THSD7A: variants seen among roughly 807,000 people sequenced by gnomAD.
THSD7A encodes thrombospondin type-1 domain-containing protein 7A.
In THSD7A, 96 loss-of-function variants were observed where a neutral mutation model predicts 231.3. That is an observed-to-expected ratio of 0.41 (90% CI 0.35 to 0.49). THSD7A has a LOEUF of 0.49. Ranked by LOEUF, THSD7A falls within the 20% of genes least tolerant of loss-of-function variation. THSD7A has a pLI of 0.05. For synonymous variants in THSD7A, 940 were observed against 743.3 expected, an observed-to-expected ratio of 1.26 and a Z score of -4.30; for missense variants, 2,290 against 2,070.2, an observed-to-expected ratio of 1.11 and a Z score of -2.06.
intron 1 of THSD7A, among the ~76,000 whole-genome samples, chr7:11,747,829 G>A (rs532242982): frequency 1.3e-5 from 2 of 151,866 alleles, no homozygotes; most frequent in Non-Finnish European, 2.9e-5. Context: ...TACATTTACC[G>A]AAAGGACAAT....
chr7:11,490,515 GCTC>G (rs1307843363), intron 6 of THSD7A, among the ~76,000 whole-genome samples: 1 of 152,054 alleles, frequency 6.6e-6, no homozygotes, highest in African/African-American at 2.4e-5. Context: ...CATGACTTCT[GCTC>G]CTGTTTAATG....
chr7:11,737,472 G>A (rs191319480), intron 1 of THSD7A, among the ~76,000 whole-genome samples: 243 of 152,040 alleles, frequency 1.6e-3, no homozygotes, highest in Non-Finnish European at 2.1e-3. Context: ...CCTGTGCCCC[G>A]TCCTAGAACT....
At chr7:11,712,641 T>C (rs2128149319) in intron 1 of THSD7A, among the ~76,000 whole-genome samples, 1 of 151,242 alleles carries the variant, frequency 6.6e-6, no homozygotes, top group South Asian at 2.1e-4. Context: ...ATGAACTTGA[T>C]GTAAGCAGAA....
At chr7:11,575,893 GTA>G (rs1402011029) in intron 4 of THSD7A, among the ~76,000 whole-genome samples, 2 of 152,170 alleles carry the variant, frequency 1.3e-5, no homozygotes, top group African/African-American at 4.8e-5. Flanking sequence ...TTAATAAGTT[GTA>G]ATTCAACACA....
Position 11,541,407 on chromosome 7 carries a change from C to G in THSD7A, c.1822+12G>C. 6.2e-7 allele frequency: 1 copy of G among 1,613,040 alleles called. No homozygotes were observed. On this transcript the variant is annotated intron_variant, in intron 6 of 27. Coordinates refer to ENST00000423059, the MANE Select transcript of THSD7A (RefSeq NM_015204.3). ...GACATCCATAAAAACATAATAGATA[C>G]GTCTGTCTTACCATCACTGTTGATG...
chr7:11,563,916 G>C (rs934353768), intron 4 of THSD7A, among the ~76,000 whole-genome samples: 1 of 152,080 alleles, frequency 6.6e-6, no homozygotes, highest in Non-Finnish European at 1.5e-5. Flanking sequence ...GAATTGTGGT[G>C]AGGTCACAAA....
At chr7:11,519,810 A>G (rs10486140) in intron 6 of THSD7A, among the ~76,000 whole-genome samples, 2,900 of 152,316 alleles carry the variant, frequency 0.019, 52 homozygotes, top group Middle Eastern at 0.041. Context: ...TTTCAAGTAA[A>G]TCTAGTCTAT....
chr7:11,815,921 C>T (rs1002680339), intron 1 of THSD7A, among the ~76,000 whole-genome samples: 4 of 152,046 alleles, frequency 2.6e-5, no homozygotes, highest in Non-Finnish European at 4.4e-5. Context: ...CTTTCTATCC[C>T]TGGAAACATG....
intron 1 of THSD7A, among the ~76,000 whole-genome samples, chr7:11,701,990 G>A (rs977074577): frequency 3.3e-5 from 5 of 151,158 alleles, no homozygotes; most frequent in Non-Finnish European, 7.4e-5. Flanking sequence ...CTTGTTGCCA[G>A]GCCTCAACTC....
intron 6 of THSD7A, among the ~76,000 whole-genome samples, chr7:11,492,235 A>C (rs1373936782): frequency 6.6e-6 from 1 of 152,042 alleles, no homozygotes; most frequent in Admixed American, 6.6e-5. Context: ...ATCAACTCTT[A>C]AGGACTAGGC....
intron 1 of THSD7A, among the ~76,000 whole-genome samples, chr7:11,679,607 A>G (rs552437874): frequency 1.6e-4 from 24 of 152,268 alleles, no homozygotes; most frequent in African/African-American, 5.8e-4. Context: ...TGCTACAAAG[A>G]GAATAAAATA....
chr7:11,815,767 C>T (rs932329763), intron 1 of THSD7A, among the ~76,000 whole-genome samples: 5 of 152,074 alleles, frequency 3.3e-5, no homozygotes, highest in Non-Finnish European at 7.4e-5. Context: ...GACTTGATCT[C>T]CTAGATTCTA....
At chr7:11,470,831 G>A (rs1785909224) in intron 8 of THSD7A, among the ~76,000 whole-genome samples, 1 of 151,576 alleles carries the variant, frequency 6.6e-6, no homozygotes, top group Non-Finnish European at 1.5e-5. Flanking sequence ...ATTATTTATT[G>A]GGAACACAAC....
At chr7:11,525,778 A>G (rs17634217) in intron 6 of THSD7A, among the ~76,000 whole-genome samples, 26,985 of 152,100 alleles carry the variant, frequency 0.18, 2,624 homozygotes, top group Middle Eastern at 0.23. Context: ...GATTATACTC[A>G]TTTGGAACAG....
At chr7:11,772,893 TAA>T (rs1023500276) in intron 1 of THSD7A, among the ~76,000 whole-genome samples, 12 of 152,144 alleles carry the variant, frequency 7.9e-5, no homozygotes, top group African/African-American at 2.7e-4. Context: ...TTCATTTTGA[TAA>T]ATAAAATCCA....
At chr7:11,826,774 T>C (rs2128188562) in intron 1 of THSD7A, among the ~76,000 whole-genome samples, 1 of 146,148 alleles carries the variant, frequency 6.8e-6, no homozygotes, top group African/African-American at 2.6e-5. Context: ...ATCATGCCAC[T>C]GTACTCCAGC....
At chr7:11,709,475 T>C (rs186514689) in intron 1 of THSD7A, among the ~76,000 whole-genome samples, 58 of 150,900 alleles carry the variant, frequency 3.8e-4, no homozygotes, top group African/African-American at 8.9e-4. Context: ...GAATCACTTA[T>C]GAATCAGGTT....
At chr7:11,812,146 A>G (rs1784548737) in intron 1 of THSD7A, among the ~76,000 whole-genome samples, 1 of 146,248 alleles carries the variant, frequency 6.8e-6, no homozygotes. Flanking sequence ...TGTGTGGGAG[A>G]CAGAGAGAGA....
intron 1 of THSD7A, among the ~76,000 whole-genome samples, chr7:11,704,218 C>A (rs1198187841): frequency 6.6e-6 from 1 of 150,976 alleles, no homozygotes; most frequent in African/African-American, 2.4e-5. Flanking sequence ...AATCACAGTA[C>A]ACCATTACTC....
Sources: allele counts gnomAD v4.1 joint callset (sites outside exome capture counted in the v4.1 genomes callset), GRCh38; gene constraint gnomAD v4.1.1; transcripts MANE v1.5; gene names NCBI Gene and HGNC (gene_info 2026-07-23, HGNC 2026-07-21).